The following NOTCH2 variants were observed in gnomAD, a reference collection of about 807,000 sequenced individuals.
NOTCH2 encodes the protein neurogenic locus notch homolog protein 2.
In NOTCH2, 29 loss-of-function variants were observed where a neutral mutation model predicts 235.8. The ratio of observed to expected loss-of-function variants is 0.12; its 90% CI spans 0.09 to 0.17. NOTCH2 has a LOEUF of 0.17. NOTCH2 is among the 10% of genes least tolerant of loss of function. NOTCH2 has a pLI of 1.00. For synonymous variants in NOTCH2, 1,086 were observed against 1,141.5 expected, an observed-to-expected ratio of 0.95 and a Z score of 0.98; for missense variants, 2,285 against 3,150.2, an observed-to-expected ratio of 0.73 and a Z score of 6.57.
chr1:120,017,910 C>T (rs1653511708), intron 2 of NOTCH2, among the ~76,000 whole-genome samples: 1 of 151,210 alleles, frequency 6.6e-6, no homozygotes, highest in South Asian at 2.1e-4. Context: ...GGAGCCCTGA[C>T]TAAGAAAAAA....
chr1:119,918,379 A>G, intron 32 of NOTCH2, 27 bp downstream of exon 32: 1 of 1,613,354 alleles, frequency 6.2e-7, no homozygotes, highest in Non-Finnish European at 8.5e-7. Flanking sequence ...GCAGGTAAGA[A>G]TCCAAATCCC....
At chr1:119,935,313 G>T in intron 22 of NOTCH2, 159 bp downstream of exon 22, 1 of 1,576,550 alleles carries the variant, frequency 6.3e-7, no homozygotes, top group Non-Finnish European at 8.6e-7. Flanking sequence ...CAAGAGATGG[G>T]AGAATAAAAT....
intron 33 of NOTCH2, 47 bp downstream of exon 33, chr1:119,917,618 G>A (rs375910689): frequency 8.4e-7 from 1 of 1,184,440 alleles, no homozygotes; most frequent in Middle Eastern, 1.9e-4. Flanking sequence ...GCTTATAACT[G>A]AGGCACTGCT....
intron 1 of NOTCH2, among the ~76,000 whole-genome samples, chr1:120,038,127 ATT>A (rs2101356636): frequency 6.6e-6 from 1 of 152,144 alleles, no homozygotes; most frequent in African/African-American, 2.4e-5. Flanking sequence ...TTTTTCTCTT[ATT>A]AAAGACTTCA....
At chr1:119,949,193 A>G in intron 15 of NOTCH2, 67 bp from the exon 16 acceptor site, 1 of 1,550,634 alleles carries the variant, frequency 6.4e-7, no homozygotes, top group Non-Finnish European at 8.9e-7. Flanking sequence ...TCCTTATCCC[A>G]AGGATGTTCT....
At chr1:119,925,939 A>C in intron 24 of NOTCH2, 129 bp from the exon 25 acceptor site, 1 of 1,103,524 alleles carries the variant, frequency 9.1e-7, no homozygotes, top group Non-Finnish European at 1.3e-6. Context: ...AGCCAAGGTT[A>C]CTAGACAGGT....
chr1:119,953,311 G>T (rs2453055), intron 14 of NOTCH2, among the ~76,000 whole-genome samples: 1 of 150,090 alleles, frequency 6.7e-6, no homozygotes, highest in Non-Finnish European at 1.5e-5. Context: ...AAAACTCTGT[G>T]TCAAAAAAAA....
chr1:119,979,532 A>G (rs1396610593), intron 5 of NOTCH2, among the ~76,000 whole-genome samples: 7 of 152,182 alleles, frequency 4.6e-5, no homozygotes, highest in African/African-American at 1.4e-4. Context: ...TTTTTGACTA[A>G]CCAAATGGGT....
chr1:119,922,516 T>C, intron 27 of NOTCH2, 70 bp from the exon 28 acceptor site: 2 of 1,596,754 alleles, frequency 1.3e-6, no homozygotes, highest in East Asian at 2.2e-5. Flanking sequence ...ATTAGATTCA[T>C]TTAGAGGGCA....
At chr1:119,997,410 A>G in intron 3 of NOTCH2, 78 bp from the exon 4 acceptor site, 9 of 1,325,184 alleles carry the variant, frequency 6.8e-6, no homozygotes, top group South Asian at 1.2e-5. Flanking sequence ...CATTGACATC[A>G]GCGAGCTCTT....
chr1:120,043,797 AACCCCACTTTTG>A (rs1444611196), intron 1 of NOTCH2, among the ~76,000 whole-genome samples: 1 of 149,562 alleles, frequency 6.7e-6, no homozygotes, highest in East Asian at 2.0e-4. Context: ...ACAACAAAAG[AACCCCACTTTTG>A]AAAACTTGCC....
Position 119,923,811 on chromosome 1 carries a change from G to A in NOTCH2, c.4685C>T (p.Ala1562Val), listed in dbSNP as rs2101159059. ...ACCCAGTGCCCGCAAGAAGCTGCGA[G>A]CATCCTGGAGCAGTTGTTCAGGTGG... ...LMPPEQLLQD[A>V]RSFLRALGTL... Residue 1562 changes from alanine to valine, a missense_variant, in exon 26 of 34, where the codon GCT becomes GTT. Physicochemically the swap from Ala to Val is moderately conservative, Grantham distance 64. Around this residue, in one of 6 missense-constraint regions of NOTCH2, gnomAD observed 1,173 missense variants for 1,515.3 expected, o/e 0.77. Transcript: ENST00000256646. The A allele has an allele frequency of 6.2e-7, 1 of 1,614,170 alleles. No homozygotes were observed. The highest frequency in any genetic ancestry group is 2.2e-5 in the East Asian group (1 of 44,882).
intron 2 of NOTCH2, among the ~76,000 whole-genome samples, chr1:120,006,870 A>G (rs1483198114): frequency 1.3e-5 from 2 of 152,196 alleles, no homozygotes; most frequent in Non-Finnish European, 2.9e-5. Context: ...AAGACCTTTC[A>G]TTAACCATTG....
rs763640561 is a variant in NOTCH2 at position 119,941,519 on chromosome 1, T to C, written c.2981+7A>G. ...AGATGCTGATGCCCGAGGGACTGGT[T>C]GCTCACCTCTCAGTGCACTCATTGA... On this transcript the variant is annotated splice_region_variant and intron_variant, in intron 18 of 33. Transcript: ENST00000256646. 1.3e-6 allele frequency: 2 copies of C among 1,597,472 alleles called. No homozygotes were observed. The highest frequency in any genetic ancestry group is 2.7e-5 in the African/African-American group (2 of 74,626).
chr1:119,959,924 T>G (rs782619449), intron 11 of NOTCH2, among the ~76,000 whole-genome samples: 12 of 152,242 alleles, frequency 7.9e-5, no homozygotes, highest in Non-Finnish European at 1.6e-4. Context: ...CTTTATAATT[T>G]TAATAAATCT....
chr1:120,041,904 GAAGGGA>G (rs1350069587), intron 1 of NOTCH2, among the ~76,000 whole-genome samples: 4 of 140,868 alleles, frequency 2.8e-5, no homozygotes, highest in Non-Finnish European at 4.5e-5. Context: ...AGAGAGAGAG[GAAGGGA>G]AAGGGAAAGA....
rs912482655 is a variant in NOTCH2, at chr1:119,916,317, C to G, written c.6405G>C (p.Leu2135=). The G allele has an allele frequency of 2.5e-6, 4 of 1,614,214 alleles. No individual in the cohort carries two copies. In the South Asian group the frequency reaches 4.4e-5, roughly 18 times the overall value. ...TCTCAGACAGTTGGACCTTCTCACTCAGAGACTTCTTCCTCCTACTACCCT... is the reference window on the plus strand; with the variant it reads ...TCTCAGACAGTTGGACCTTCTCACTGAGAGACTTCTTCCTCCTACTACCCT... ...DAKGSRRKKS[L]SEKVQLSESS... Residue 2135 remains leucine (L), a synonymous_variant, in exon 34 of 34, where the codon CTG becomes CTC. Transcript: ENST00000256646.
At chr1:120,023,639 C>A (rs2101304458) in intron 2 of NOTCH2, among the ~76,000 whole-genome samples, 1 of 131,120 alleles carries the variant, frequency 7.6e-6, no homozygotes, top group South Asian at 2.7e-4. Context: ...TGAACAACTA[C>A]ATACAAACAT....
chr1:119,996,655 T>C, intron 4 of NOTCH2: 1 of 908,458 alleles, frequency 1.1e-6, no homozygotes, highest in Non-Finnish European at 1.9e-6. Context: ...CACATACATA[T>C]TTTCCAGTGT....
Sources: allele counts gnomAD v4.1 joint callset (sites outside exome capture counted in the v4.1 genomes callset), GRCh38; gene constraint gnomAD v4.1.1; regional missense constraint gnomAD v4.1.1; transcripts MANE v1.5; gene names NCBI Gene and HGNC (gene_info 2026-07-23, HGNC 2026-07-21).